Variants in CRBN observed in about 807,000 individuals in gnomAD.
The protein encoded by CRBN is cereblon.
CRBN carries 53 observed loss-of-function variants against 62.2 expected under a neutral mutation model. The observed-to-expected ratio is 0.85, with a 90% CI of 0.68 to 1.07. CRBN has a LOEUF of 1.07. Ranked by LOEUF, CRBN falls within the 50% of genes least tolerant of loss-of-function variation. The pLI is 0.00. For synonymous variants in CRBN, 208 were observed against 176.1 expected (o/e 1.18, Z -1.43); for missense variants, 616 against 531.1 (o/e 1.16, Z -1.57).
intron 5 of CRBN, among the ~76,000 whole-genome samples, chr3:3,166,212 G>C (rs1288738315): frequency 6.6e-6 from 1 of 152,156 alleles, no homozygotes; most frequent in Non-Finnish European, 1.5e-5. Context: ...ATGGGGGCAG[G>C]TCTTTCCTGT....
intron 7 of CRBN, 124 bp from the exon 8 acceptor site, chr3:3,154,199 A>G: frequency 4.4e-6 from 3 of 678,418 alleles, no homozygotes; most frequent in East Asian, 5.4e-5. Context: ...TTATACAAGT[A>G]TAAACAATAC....
Position 3,160,503 on chromosome 3 carries a change from A to G in CRBN, c.688-4222T>C, listed in dbSNP as rs1303668873. ...TGAGGCTTATACGCTAATGGCAGAT[A>G]CACAAGTGTACATACAAGATGTATG... On this transcript the variant is annotated intron_variant, in intron 5 of 10. Transcript: ENST00000231948. 1.3e-5 allele frequency among the ~76,000 whole-genome samples: 2 copies of G among 152,258 alleles called. 1 individual carries two copies. The highest frequency in any genetic ancestry group is 3.8e-4 in the East Asian group (2 of 5,206).
intron 5 of CRBN, among the ~76,000 whole-genome samples, chr3:3,166,273 A>G (rs1707328209): frequency 6.6e-6 from 1 of 152,142 alleles, no homozygotes; most frequent in Admixed American, 6.6e-5. Flanking sequence ...GGTTTTAAAA[A>G]TGGGAGTTTT....
intron 3 of CRBN, 80 bp downstream of exon 3, chr3:3,173,979 G>C: frequency 8.3e-7 from 1 of 1,205,576 alleles, no homozygotes; most frequent in Non-Finnish European, 1.2e-6. Context: ...CGAAATAACA[G>C]CCTGCTTTGG....
chr3:3,156,286 A>C lies in CRBN; in HGVS notation c.688-5T>G. 1 of 1,613,690 alleles carries C rather than the reference A, an allele frequency of 6.2e-7. No homozygotes were observed. The highest frequency in any genetic ancestry group is 2.2e-5 in the East Asian group (1 of 44,858). ...ATTTGCACAATGAAACTTTCTCTGA[A>C]AACAAAACAAAAAGGCACTTAAAAA... On this transcript the variant is annotated splice_region_variant and splice_polypyrimidine_tract_variant and intron_variant, in intron 5 of 10. Transcript: ENST00000231948.
chr3:3,176,514 T>C (rs1166775433), intron 1 of CRBN, among the ~76,000 whole-genome samples: 1 of 152,204 alleles, frequency 6.6e-6, no homozygotes, highest in Non-Finnish European at 1.5e-5. Flanking sequence ...GGCAGGCAGA[T>C]CACTTGAGGT....
intron 2 of CRBN, among the ~76,000 whole-genome samples, chr3:3,174,845 C>A (rs1345935163): frequency 6.6e-6 from 1 of 151,924 alleles, no homozygotes; most frequent in Non-Finnish European, 1.5e-5. Flanking sequence ...ATCTCTATGC[C>A]CACATATCAC....
intron 4 of CRBN, chr3:3,172,496 T>C (rs995466817): frequency 1.4e-5 from 6 of 442,806 alleles, no homozygotes; most frequent in African/African-American, 5.9e-5. Context: ...TGGAGAGACA[T>C]TAGAATCACC....
rs756804291 is a variant in CRBN, at chr3:3,153,965, T to C, written c.946A>G (p.Asn316Asp). 22 of 1,587,588 alleles carry C rather than the reference T, an allele frequency of 1.4e-5. No homozygotes were observed. Among genetic ancestry groups the C allele is most frequent in the Non-Finnish European group, 1.9e-5 (22 of 1,155,790 alleles). The change falls in exon 8 of 11, where the codon AAT becomes GAT. Residue 316 changes from asparagine to aspartate, a missense_variant. Transcript: ENST00000231948. Reference protein sequence around the residue: ...QRLRCELDIMNKCTSLCCKQC... With the variant: ...QRLRCELDIMDKCTSLCCKQC... ...AACATATTCACTTTACTCACTTTAT[T>C]CATAATGTCTAATTCACAGCGAAGT... is the stretch of plus-strand genomic sequence containing the variant.
intron 5 of CRBN, among the ~76,000 whole-genome samples, chr3:3,163,860 T>G (rs937663492): frequency 6.6e-6 from 1 of 152,212 alleles, no homozygotes; most frequent in South Asian, 2.1e-4. Context: ...GGCAACCCTG[T>G]TTCAAGCAAG....
chr3:3,153,436 T>C lies in CRBN; in HGVS notation c.1004A>G (p.Asn335Ser), dbSNP rs760397636. The C allele has an allele frequency of 7.1e-6, 11 of 1,544,446 alleles. No homozygotes were observed. Among genetic ancestry groups the C allele is most frequent in the Non-Finnish European group, 9.8e-6 (11 of 1,116,814 alleles). Residue 335 changes from asparagine (N) to serine (S), a missense_variant, in exon 9 of 11, where the codon AAT (asparagine) becomes AGT (serine). Asn to Ser is a conservative substitution (Grantham distance 46). Coordinates refer to ENST00000231948, the MANE Select transcript of CRBN (RefSeq NM_016302.4). ...QCQETEITTK[N>S]EIFSLSLCGP... ...ATAAAGACCTTACCTGAATATTTCA[T>C]TTTTGGTTGTTATTTCTGTTTCTTG...
intron 7 of CRBN, 100 bp from the exon 8 acceptor site, chr3:3,154,175 T>C: frequency 1.3e-6 from 1 of 747,328 alleles, no homozygotes. Context: ...CCCTTCTCTT[T>C]AAGGTTACAC....
chr3:3,169,930 AC>A (rs934645197), intron 4 of CRBN, among the ~76,000 whole-genome samples: 1 of 149,840 alleles, frequency 6.7e-6, no homozygotes, highest in Admixed American at 6.7e-5. Context: ...GAAGATGCCC[AC>A]CCCCCCTCCG....
intron 5 of CRBN, 152 bp from the exon 6 acceptor site, chr3:3,156,433 T>A (rs567035077): frequency 1.1e-5 from 7 of 652,936 alleles, no homozygotes; most frequent in Admixed American, 2.8e-5. Flanking sequence ...GACGTGACTA[T>A]CTATGAAGTG....
chr3:3,175,920 T>C (rs1707810033), intron 1 of CRBN, among the ~76,000 whole-genome samples: 1 of 152,224 alleles, frequency 6.6e-6, no homozygotes, highest in African/African-American at 2.4e-5. Flanking sequence ...CTGTTGCCAA[T>C]GTGCTGTTTT....
chr3:3,173,061 T>C, intron 3 of CRBN, 136 bp from the exon 4 acceptor site: 1 of 734,984 alleles, frequency 1.4e-6, no homozygotes, highest in Middle Eastern at 2.8e-4. Context: ...ATTTTATTTA[T>C]TTATTTATTT....
intron 10 of CRBN, among the ~76,000 whole-genome samples, chr3:3,152,046 C>A (rs1161361711): frequency 6.6e-6 from 1 of 152,050 alleles, no homozygotes; most frequent in African/African-American, 2.4e-5. Context: ...AATCTGAGGA[C>A]AACTGCAGTT....
At chr3:3,163,257 T>C (rs1033605218) in intron 5 of CRBN, among the ~76,000 whole-genome samples, 5 of 152,220 alleles carry the variant, frequency 3.3e-5, no homozygotes, top group Non-Finnish European at 7.3e-5. Context: ...GATGGAGTTA[T>C]TTGTATCACC....
intron 10 of CRBN, 78 bp from the exon 11 acceptor site, chr3:3,151,123 C>T: frequency 6.7e-7 from 1 of 1,491,366 alleles, no homozygotes; most frequent in Non-Finnish European, 9.2e-7. Flanking sequence ...ATCATGAAGA[C>T]AGACTTTAGA....
Sources: allele counts gnomAD v4.1 joint callset (sites outside exome capture counted in the v4.1 genomes callset), GRCh38; gene constraint gnomAD v4.1.1; transcripts MANE v1.5; gene names NCBI Gene and HGNC (gene_info 2026-07-23, HGNC 2026-07-21).